Variants in GLCE observed in about 807,000 individuals in gnomAD.
GLCE encodes the protein D-glucuronyl C5-epimerase.
Under a neutral mutation model 47.9 loss-of-function variants are expected in GLCE, and 19 were observed. The ratio of observed to expected loss-of-function variants is 0.40; its 90% CI spans 0.28 to 0.58. The LOEUF (loss-of-function observed/expected upper bound fraction) is 0.58. Ranked by LOEUF, GLCE falls within the 20% of genes least tolerant of loss-of-function variation. The pLI is 0.48. For missense variants in GLCE, 556 were observed against 743.3 expected, an observed-to-expected ratio of 0.75 and a Z score of 2.93; for synonymous variants, 245 against 263.4, an observed-to-expected ratio of 0.93 and a Z score of 0.68.
chr15:69,214,246 A>G (rs35944700), intron 2 of GLCE, among the ~76,000 whole-genome samples: 21,190 of 151,962 alleles, frequency 0.14, 1,639 homozygotes, highest in Middle Eastern at 0.2. Flanking sequence ...ATGTATACTG[A>G]TATGGTTAGG....
intron 2 of GLCE, among the ~76,000 whole-genome samples, chr15:69,215,715 T>C (rs889272023): frequency 1.3e-5 from 2 of 152,218 alleles, no homozygotes; most frequent in African/African-American, 2.4e-5. Context: ...CTGCCACCAA[T>C]ATATAAGAAT....
chr15:69,238,526 G>T (rs1462820681), intron 2 of GLCE, among the ~76,000 whole-genome samples: 1 of 152,006 alleles, frequency 6.6e-6, no homozygotes, highest in Non-Finnish European at 1.5e-5. Flanking sequence ...TCCTTTTTCT[G>T]TGACCTTCCC....
chr15:69,216,383 T>C (rs910303709), intron 2 of GLCE, among the ~76,000 whole-genome samples: 52 of 152,222 alleles, frequency 3.4e-4, no homozygotes, highest in African/African-American at 1.2e-3. Context: ...TCAGTTAATA[T>C]TAGGTGAAAG....
intron 1 of GLCE, chr15:69,196,461 T>C (rs2051993675): frequency 6.0e-6 from 1 of 166,656 alleles, no homozygotes; most frequent in Non-Finnish European, 1.3e-5. Flanking sequence ...GTGATTTTCT[T>C]ATTCAAGTTC....
At chr15:69,243,679 T>C (rs758852053) in intron 2 of GLCE, among the ~76,000 whole-genome samples, 1 of 152,142 alleles carries the variant, frequency 6.6e-6, no homozygotes, top group Non-Finnish European at 1.5e-5. Flanking sequence ...TATTCAAGAT[T>C]ATATGTTCTT....
chr15:69,178,994 T>A (rs546481783), intron 1 of GLCE, among the ~76,000 whole-genome samples: 4 of 152,324 alleles, frequency 2.6e-5, no homozygotes, highest in African/African-American at 9.6e-5. Flanking sequence ...AAAAAGTAAG[T>A]TGCAGAGCAG....
At chr15:69,214,002 CTT>C (rs1327675590) in intron 2 of GLCE, among the ~76,000 whole-genome samples, 2 of 151,972 alleles carry the variant, frequency 1.3e-5, no homozygotes, top group Non-Finnish European at 2.9e-5. Flanking sequence ...ACGTCATTGT[CTT>C]TTTCTTTTCT....
chr15:69,222,605 C>T (rs1181366965), intron 2 of GLCE, among the ~76,000 whole-genome samples: 3 of 152,168 alleles, frequency 2.0e-5, no homozygotes, highest in African/African-American at 4.8e-5. Flanking sequence ...GTTTCCTCCC[C>T]CTTCAGTCCT....
rs139270141 is a variant in GLCE at position 69,185,078 on chromosome 15, A to C, written c.-105+24321A>C. Among the ~76,000 whole-genome samples, 120 of 152,304 alleles carry C rather than the reference A, an allele frequency of 7.9e-4. No homozygotes were observed. In the East Asian group the frequency reaches 0.019, roughly 25 times the overall value. ...GAACACAGTCACAATGTCTGCTTAC[A>C]GTGTTTGCCTTGGTTGTGTTCTAAT... is the stretch of plus-strand genomic sequence containing the variant. On this transcript the variant is annotated intron_variant, in intron 1 of 4. Coordinates refer to ENST00000261858, the MANE Select transcript of GLCE (RefSeq NM_015554.3).
intron 1 of GLCE, among the ~76,000 whole-genome samples, chr15:69,204,839 C>T (rs1370802337): frequency 6.6e-6 from 1 of 151,996 alleles, no homozygotes; most frequent in Non-Finnish European, 1.5e-5. Flanking sequence ...ACATTTAGAC[C>T]ATTGATCCCT....
chr15:69,228,589 T>C (rs2052479692), intron 2 of GLCE, among the ~76,000 whole-genome samples: 1 of 152,150 alleles, frequency 6.6e-6, no homozygotes, highest in African/African-American at 2.4e-5. Flanking sequence ...AAACAAACAA[T>C]AGGCTAATGG....
chr15:69,189,977 C>G (rs1299180790), intron 1 of GLCE, among the ~76,000 whole-genome samples: 1 of 152,106 alleles, frequency 6.6e-6, no homozygotes, highest in South Asian at 2.1e-4. Context: ...TCATCCCACT[C>G]TCCACCCTCC....
At chr15:69,231,629 G>A (rs1038775060) in intron 2 of GLCE, among the ~76,000 whole-genome samples, 1 of 151,934 alleles carries the variant, frequency 6.6e-6, no homozygotes, top group East Asian at 1.9e-4. Context: ...TGGACTATTC[G>A]CTGAGCACTT....
In GLCE at chr15:69,234,527, G is replaced by GAT. The variant is rs200555284; in HGVS notation, c.-13-21256_-13-21255dup. Among the ~76,000 whole-genome samples, 730 of 151,724 alleles carry GAT rather than the reference G, an allele frequency of 4.8e-3. 4 individuals carry two copies. Among genetic ancestry groups the GAT allele is most frequent in the African/African-American group, 0.016 (645 of 41,370 alleles). ...AGTTTCAACCCTTAGAAAATGTATTGATATATATATATGGAATATATTTAT... is the reference window on the plus strand; with the variant it reads ...AGTTTCAACCCTTAGAAAATGTATTGATATATATATATATGGAATATATTTAT... On this transcript the variant is annotated intron_variant, in intron 2 of 4. Transcript: ENST00000261858.
intron 1 of GLCE, among the ~76,000 whole-genome samples, chr15:69,164,632 CA>C (rs2051477008): frequency 6.6e-6 from 1 of 151,608 alleles, no homozygotes. Flanking sequence ...ATTGTATGTA[CA>C]AAAAGGAAGA....
intron 1 of GLCE, among the ~76,000 whole-genome samples, chr15:69,163,082 C>T (rs1398957405): frequency 6.6e-6 from 1 of 152,202 alleles, no homozygotes; most frequent in Non-Finnish European, 1.5e-5. Context: ...ACCTGGTTGA[C>T]ATTTACAGCT....
intron 2 of GLCE, among the ~76,000 whole-genome samples, chr15:69,241,909 C>T (rs928233116): frequency 1.3e-5 from 2 of 152,118 alleles, no homozygotes; most frequent in Non-Finnish European, 1.5e-5. Flanking sequence ...GTCTTTTCCC[C>T]GTCCAGATGA....
At chr15:69,215,449 C>G (rs776590604) in intron 2 of GLCE, among the ~76,000 whole-genome samples, 5 of 151,936 alleles carry the variant, frequency 3.3e-5, no homozygotes, top group Admixed American at 6.6e-5. Flanking sequence ...TATATGTACA[C>G]GATTTGCTTA....
chr15:69,204,590 T>C (rs1290262738), intron 1 of GLCE, among the ~76,000 whole-genome samples: 4 of 152,216 alleles, frequency 2.6e-5, no homozygotes, highest in South Asian at 2.1e-4. Context: ...TGGCCTGTTT[T>C]ACTTTTTATT....
Sources: allele counts gnomAD v4.1 joint callset (sites outside exome capture counted in the v4.1 genomes callset), GRCh38; gene constraint gnomAD v4.1.1; transcripts MANE v1.5; gene names NCBI Gene and HGNC (gene_info 2026-07-23, HGNC 2026-07-21).